The following FAM91A1 variants were observed in gnomAD, a reference collection of about 807,000 sequenced individuals.
FAM91A1 encodes family with sequence similarity 91 member A1, also known as protein FAM91A1.
In FAM91A1, 41 loss-of-function variants were observed where a neutral mutation model predicts 113.5. That is an observed-to-expected ratio of 0.36 (90% CI 0.28 to 0.47). FAM91A1 has a LOEUF of 0.47. FAM91A1 is among the 20% of genes least tolerant of loss of function. The pLI, the probability that FAM91A1 is intolerant of heterozygous loss-of-function variation, is 1.00. For synonymous variants in FAM91A1, 307 were observed against 347.9 expected (o/e 0.88, Z 1.31); for missense variants, 696 against 1,001.2 (o/e 0.70, Z 4.11).
intron 14 of FAM91A1, 70 bp downstream of exon 14, chr8:123,787,820 T>G (rs1815295233): frequency 8.2e-7 from 1 of 1,220,682 alleles, no homozygotes; most frequent in Non-Finnish European, 1.2e-6. Context: ...AGAATGCCAA[T>G]TATACAGTCT....
chr8:123,808,377 G>T lies in FAM91A1; in HGVS notation c.2137+1G>T. ...GATTCAGCAACAAAGCAAACCTCTG[G>T]TATGGTGCTAAAACTTTTTCCAATT... On this transcript the variant is annotated splice_donor_variant, in intron 21 of 23. Transcript: ENST00000334705. LOFTEE classifies it high-confidence loss of function. 1 of 1,610,914 alleles carries T rather than the reference G, an allele frequency of 6.2e-7. No individual in the cohort carries two copies. Among genetic ancestry groups the T allele is most frequent in the Non-Finnish European group, 8.5e-7 (1 of 1,178,658 alleles).
Position 123,784,573 on chromosome 8 carries a change from A to G in FAM91A1, c.807A>G (p.Ala269=), listed in dbSNP as rs556548787. 91 of 1,595,640 alleles carry G rather than the reference A, an allele frequency of 5.7e-5. 1 individual carries two copies. In the South Asian group the frequency reaches 9.3e-4, roughly 16 times the overall value. The change falls in exon 9 of 24, where the codon GCA becomes GCG. Residue 269 remains alanine (A), a synonymous_variant. Transcript: ENST00000334705. The stretch of plus-strand genomic sequence containing the variant: ...CAATAGATGAGCACACAAATGTTGC[A>G]GAGGTAAGTTTGACAACGTCTCATG... The part of the protein sequence containing the change: ...FVSIDEHTNV[A]ELANVLEIDL...
chr8:123,801,989 A>G (rs939488066), intron 18 of FAM91A1, among the ~76,000 whole-genome samples: 4 of 152,134 alleles, frequency 2.6e-5, no homozygotes, highest in Non-Finnish European at 4.4e-5. Flanking sequence ...GGTTGTGGTC[A>G]GAGACAAGTC....
At chr8:123,784,108 A>G (rs1018560971) in intron 8 of FAM91A1, among the ~76,000 whole-genome samples, 4 of 152,212 alleles carry the variant, frequency 2.6e-5, no homozygotes, top group Admixed American at 6.5e-5. Flanking sequence ...CCTGCTGCCT[A>G]TGAGGCATCA....
intron 15 of FAM91A1, among the ~76,000 whole-genome samples, chr8:123,795,973 G>A (rs1815508971): frequency 1.3e-5 from 2 of 152,182 alleles, no homozygotes; most frequent in Non-Finnish European, 2.9e-5. Flanking sequence ...CACTTTTTCT[G>A]GACTGGTTCC....
At chr8:123,778,197 T>C in intron 5 of FAM91A1, 105 bp downstream of exon 5, 1 of 774,936 alleles carries the variant, frequency 1.3e-6, no homozygotes. Flanking sequence ...CCAAATAAAA[T>C]GTACTTAACA....
At chr8:123,807,015 G>A (rs1349285209) in intron 20 of FAM91A1, among the ~76,000 whole-genome samples, 1 of 151,806 alleles carries the variant, frequency 6.6e-6, no homozygotes, top group Non-Finnish European at 1.5e-5. Flanking sequence ...CGTGGTGCCA[G>A]TTCTTATCCA....
At chr8:123,777,994 A>G in intron 4 of FAM91A1, 31 bp from the exon 5 acceptor site, 3 of 1,577,322 alleles carry the variant, frequency 1.9e-6, no homozygotes, top group Non-Finnish European at 2.6e-6. Flanking sequence ...GATATGTTAA[A>G]TGTTTTTAAA....
At chr8:123,801,606 C>T (rs1004022747) in intron 18 of FAM91A1, among the ~76,000 whole-genome samples, 31 of 152,292 alleles carry the variant, frequency 2.0e-4, no homozygotes, top group Non-Finnish European at 1.5e-5. Context: ...GCTGCATAAG[C>T]ACTCAGTTTC....
intron 8 of FAM91A1, among the ~76,000 whole-genome samples, chr8:123,782,314 G>A (rs1394434872): frequency 6.6e-6 from 1 of 152,024 alleles, no homozygotes; most frequent in African/African-American, 2.4e-5. Context: ...CCCCAAATTA[G>A]AATAAACACA....
intron 22 of FAM91A1, among the ~76,000 whole-genome samples, chr8:123,809,876 T>C (rs551429999): frequency 3.3e-5 from 5 of 152,282 alleles, no homozygotes; most frequent in African/African-American, 9.6e-5. Flanking sequence ...TTTAGGTAGG[T>C]TGGTGTGTGT....
intron 8 of FAM91A1, among the ~76,000 whole-genome samples, chr8:123,783,856 G>A (rs949549453): frequency 6.6e-6 from 1 of 152,202 alleles, no homozygotes; most frequent in Non-Finnish European, 1.5e-5. Flanking sequence ...CTGTGCTAAA[G>A]GGGATCTTGA....
At position 123,778,066 on chromosome 8, in the gene FAM91A1, C is replaced by A. The variant is rs747087431; in HGVS notation, c.409C>A (p.Leu137Ile). 36 of 1,612,414 alleles carry A rather than the reference C, an allele frequency of 2.2e-5. No homozygotes were observed. Among genetic ancestry groups the A allele is most frequent in the Non-Finnish European group, 2.6e-5 (31 of 1,179,262 alleles). ...LGIGRNQYID[L>I]MNQCRSSKKF... The stretch of plus-strand genomic sequence containing the variant: ...CATAGGAAGAAACCAGTATATTGAT[C>A]TTATGAATCAGTGTAGATCATCAAA... Residue 137 changes from leucine to isoleucine, a missense_variant, in exon 5 of 24, where the codon CTT becomes ATT. Transcript: ENST00000334705.
chr8:123,777,701 C>T (rs1815021145), intron 4 of FAM91A1, among the ~76,000 whole-genome samples: 1 of 152,174 alleles, frequency 6.6e-6, no homozygotes, highest in African/African-American at 2.4e-5. Context: ...AGTATGCTTA[C>T]TTTGGCAAAG....
chr8:123,806,673 T>C (rs914563291), intron 20 of FAM91A1, among the ~76,000 whole-genome samples: 1 of 152,186 alleles, frequency 6.6e-6, no homozygotes, highest in East Asian at 1.9e-4. Flanking sequence ...GTTCAGTTAG[T>C]TTCCAAGTTC....
At position 123,777,204 on chromosome 8, in the gene FAM91A1, A is replaced by G; in HGVS notation, c.310-61A>G. On this transcript the variant is annotated intron_variant, in intron 3 of 23. Coordinates refer to ENST00000334705, the MANE Select transcript of FAM91A1 (RefSeq NM_144963.4). The stretch of plus-strand genomic sequence containing the variant: ...TATTGGCTGTAATAATATTGTATTT[A>G]TACACATTTTTATTTAAGGACATTT... 4 of 1,114,422 alleles carry G rather than the reference A, an allele frequency of 3.6e-6. No homozygotes were observed. The South Asian group carries it at 5.4e-5, about 15-fold the overall frequency. 69.0% of individuals were successfully genotyped at this position (1,114,422 alleles called of 1,614,324 possible).
intron 3 of FAM91A1, among the ~76,000 whole-genome samples, chr8:123,775,519 C>T (rs963803345): frequency 6.6e-6 from 1 of 152,160 alleles, no homozygotes; most frequent in Non-Finnish European, 1.5e-5. Flanking sequence ...GTCTATTTCT[C>T]TTCTGGTCTT....
intron 15 of FAM91A1, among the ~76,000 whole-genome samples, chr8:123,797,747 C>T (rs1025229597): frequency 9.2e-5 from 14 of 152,200 alleles, no homozygotes; most frequent in African/African-American, 2.7e-4. Context: ...CTGTGCACGG[C>T]GTCAGCCTCT....
chr8:123,812,182 GTT>G (rs564414718), intron 23 of FAM91A1: 13 of 153,402 alleles, frequency 8.5e-5, no homozygotes, highest in Admixed American at 1.4e-4. Flanking sequence ...GCCTTTGTAA[GTT>G]TTTTTTTTTT....
Sources: allele counts gnomAD v4.1 joint callset (sites outside exome capture counted in the v4.1 genomes callset), GRCh38; gene constraint gnomAD v4.1.1; transcripts MANE v1.5; gene names NCBI Gene and HGNC (gene_info 2026-07-23, HGNC 2026-07-21).